The following MAP4 variants were observed in gnomAD, a reference collection of about 807,000 sequenced individuals.
The protein encoded by MAP4 is microtubule-associated protein 4.
MAP4 carries 76 observed loss-of-function variants against 170.2 expected under a neutral mutation model. The observed-to-expected ratio is 0.45, with a 90% CI of 0.37 to 0.54. The LOEUF (loss-of-function observed/expected upper bound fraction) is 0.54, where lower values mean the gene tolerates loss of function less well. Ranked by LOEUF, MAP4 falls within the 20% of genes least tolerant of loss-of-function variation. The probability of loss-of-function intolerance (pLI) is 0.00; values close to 1 mark genes in which losing one functional copy is unlikely to be tolerated. For synonymous variants in MAP4, 909 were observed against 994.5 expected (o/e 0.91, Z 1.62); for missense variants, 2,506 against 2,748.0 (o/e 0.91, Z 1.97).
chr3:48,085,849 GAT>G (rs1197245499), intron 1 of MAP4, among the ~76,000 whole-genome samples: 8 of 152,092 alleles, frequency 5.3e-5, no homozygotes, highest in African/African-American at 1.7e-4. Flanking sequence ...GAGGTCAGGA[GAT>G]AGAGACCACC....
At chr3:47,863,920 G>GT (rs1559803888) in intron 17 of MAP4, among the ~76,000 whole-genome samples, 25 of 132,304 alleles carry the variant, frequency 1.9e-4, no homozygotes, top group African/African-American at 5.2e-4. Context: ...GTGTGGGTGT[G>GT]GGTGTGTGTG....
chr3:48,048,292 G>C (rs1400821514), intron 1 of MAP4, among the ~76,000 whole-genome samples: 1 of 152,118 alleles, frequency 6.6e-6, no homozygotes, highest in Non-Finnish European at 1.5e-5. Context: ...ACAGACAATG[G>C]AGCAAGTCAT....
chr3:47,982,607 CAA>C (rs1373519779), intron 2 of MAP4, among the ~76,000 whole-genome samples: 3 of 151,990 alleles, frequency 2.0e-5, no homozygotes, highest in African/African-American at 7.3e-5. Context: ...ACTTAATGTA[CAA>C]AGAGACAGAA....
chr3:47,868,737 C>A (rs751836677), intron 16 of MAP4, among the ~76,000 whole-genome samples: 6 of 152,140 alleles, frequency 3.9e-5, no homozygotes, highest in Non-Finnish European at 8.8e-5. Flanking sequence ...AGAGGTGACC[C>A]GGGGAACCAG....
At chr3:47,944,897 G>A (rs541208421) in intron 3 of MAP4, among the ~76,000 whole-genome samples, 11 of 151,256 alleles carry the variant, frequency 7.3e-5, no homozygotes, top group South Asian at 2.1e-4. Context: ...TTGGTACTAG[G>A]GAACCGGTGT....
intron 17 of MAP4, among the ~76,000 whole-genome samples, chr3:47,859,777 T>G (rs895791596): frequency 1.3e-5 from 2 of 152,244 alleles, no homozygotes; most frequent in Non-Finnish European, 2.9e-5. Flanking sequence ...TTTCCCTAGA[T>G]AGAAATTTTT....
chr3:47,868,831 C>T (rs2085395643), intron 16 of MAP4, among the ~76,000 whole-genome samples: 1 of 152,098 alleles, frequency 6.6e-6, no homozygotes, highest in African/African-American at 2.4e-5. Flanking sequence ...TCCAGGGTTC[C>T]AGGTGGTGGA....
intron 11 of MAP4, chr3:47,877,079 A>C (rs2095589918): frequency 5.4e-6 from 1 of 183,922 alleles, no homozygotes; most frequent in East Asian, 1.5e-4. Context: ...ATGGGATTTC[A>C]CCATGTTGGT....
At chr3:48,046,955 GT>G (rs1559851024) in intron 1 of MAP4, among the ~76,000 whole-genome samples, 1 of 151,936 alleles carries the variant, frequency 6.6e-6, no homozygotes, top group East Asian at 1.9e-4. Context: ...TGAGCCGGGC[GT>G]GGTGGCAGGC....
chr3:48,025,876 G>A (rs2100112801), intron 1 of MAP4, among the ~76,000 whole-genome samples: 1 of 147,198 alleles, frequency 6.8e-6, no homozygotes, highest in African/African-American at 2.5e-5. Flanking sequence ...CTCCAGCCTG[G>A]GCTACAAGTG....
intron 1 of MAP4, among the ~76,000 whole-genome samples, chr3:48,084,999 A>G (rs2100148387): frequency 6.6e-6 from 1 of 151,926 alleles, no homozygotes; most frequent in Non-Finnish European, 1.5e-5. Flanking sequence ...ATAAGTCTAC[A>G]ATAACCTGGT....
At chr3:48,062,221 C>A (rs2100135982) in intron 1 of MAP4, among the ~76,000 whole-genome samples, 1 of 152,178 alleles carries the variant, frequency 6.6e-6, no homozygotes, top group Non-Finnish European at 1.5e-5. Context: ...CTCTCTGAAA[C>A]ATGTGCTGTG....
intron 1 of MAP4, among the ~76,000 whole-genome samples, chr3:48,026,899 C>T (rs185437676): frequency 6.6e-6 from 1 of 152,290 alleles, no homozygotes; most frequent in East Asian, 1.9e-4. Flanking sequence ...CCCATCACCA[C>T]GACTACCCCC....
chr3:47,962,449 G>C (rs541125389), intron 3 of MAP4, among the ~76,000 whole-genome samples: 1 of 152,278 alleles, frequency 6.6e-6, no homozygotes, highest in African/African-American at 2.4e-5. Flanking sequence ...GGGGCAGGGT[G>C]GGGGAGGGGC....
intron 1 of MAP4, among the ~76,000 whole-genome samples, chr3:48,073,262 C>G (rs1182378563): frequency 6.5e-5 from 1 of 15,342 alleles, no homozygotes; most frequent in Non-Finnish European, 1.7e-4. Flanking sequence ...TACACACACA[C>G]ACACACACAC....
At chr3:47,883,053 C>T (rs1326429105) in intron 10 of MAP4, among the ~76,000 whole-genome samples, 5 of 152,062 alleles carry the variant, frequency 3.3e-5, no homozygotes, top group African/African-American at 1.2e-4. Flanking sequence ...TCAGGTGATC[C>T]ACCCACCTTG....
Position 47,917,105 on chromosome 3 carries a change from A to G in MAP4, c.722T>C (p.Ile241Thr), listed in dbSNP as rs763294037. 13 of 1,613,982 alleles carry G rather than the reference A, an allele frequency of 8.1e-6. No individual in the cohort carries two copies. The highest frequency in any genetic ancestry group is 1.0e-5 in the Non-Finnish European group (12 of 1,179,992). Residue 241 changes from isoleucine (I) to threonine (T), a missense_variant, in exon 7 of 21, where the codon ATA (isoleucine) becomes ACA (threonine). By Grantham distance (89) the Ile-to-Thr change is moderately conservative. Around this residue, in one of 3 missense-constraint regions of MAP4, gnomAD observed 2,008 missense variants for 2,206.0 expected, o/e 0.91. Coordinates refer to ENST00000683076, the MANE Select transcript of MAP4 (RefSeq NM_001385682.1). ...GTCAGTAGTCTTCAGTCCCATCATT[A>G]TTTCCAATGCTTGTGCTGGTGGCCT... The part of the protein sequence containing the change: ...EERPPAQALE[I>T]MMGLKTTDMA...
chr3:47,861,314 C>A (rs774246519), intron 17 of MAP4, among the ~76,000 whole-genome samples: 1 of 151,606 alleles, frequency 6.6e-6, no homozygotes, highest in Non-Finnish European at 1.5e-5. Flanking sequence ...CGAGATCGTG[C>A]CATTGCACTC....
chr3:47,887,775 G>A (rs1262666302), intron 10 of MAP4, among the ~76,000 whole-genome samples: 2 of 152,130 alleles, frequency 1.3e-5, no homozygotes, highest in Non-Finnish European at 2.9e-5. Flanking sequence ...TCCACCAATC[G>A]ACACTCTGTA....
Sources: gnomAD v4.1 joint callset for allele counts (sites outside exome capture counted in the v4.1 genomes callset) on GRCh38, gnomAD v4.1.1 for gene constraint, gnomAD v4.1.1 regional missense constraint, MANE v1.5 for transcripts, NCBI Gene and HGNC (gene_info 2026-07-23, HGNC 2026-07-21) for gene names.